UBE3A: variants seen among roughly 807,000 people sequenced by gnomAD.
The protein encoded by UBE3A is ubiquitin-protein ligase E3A.
UBE3A carries 6 observed loss-of-function variants against 83.4 expected under a neutral mutation model. The observed-to-expected ratio is 0.07, with a 90% CI of 0.04 to 0.14. The LOEUF (loss-of-function observed/expected upper bound fraction) is 0.14, where lower values mean the gene tolerates loss of function less well. Ranked by LOEUF, UBE3A falls within the 10% of genes least tolerant of loss-of-function variation. The pLI, the probability that UBE3A is intolerant of heterozygous loss-of-function variation, is 1.00. For missense variants in UBE3A, 456 were observed against 1,036.1 expected (o/e 0.44, Z 7.69); for synonymous variants, 337 against 355.4 (o/e 0.95, Z 0.58).
Position 25,356,908 on chromosome 15 carries a change from G to T in UBE3A, c.1754-12C>A. 6.2e-7 allele frequency: 1 copy of T among 1,601,962 alleles called. No homozygotes were observed. The highest frequency in any genetic ancestry group is 1.1e-5 in the South Asian group (1 of 90,348). On this transcript the variant is annotated splice_polypyrimidine_tract_variant and intron_variant, in intron 7 of 12. Coordinates refer to ENST00000648336, the MANE Select transcript of UBE3A (RefSeq NM_130839.5). ...GTATGTGAACATACCTATAAGAAAT[G>T]ATTTTTAAAAATACATTACTTTTGT... is the stretch of plus-strand genomic sequence containing the variant.
intron 4 of UBE3A, among the ~76,000 whole-genome samples, chr15:25,386,048 T>C (rs961913928): frequency 1.3e-5 from 2 of 152,048 alleles, no homozygotes; most frequent in Non-Finnish European, 1.5e-5. Flanking sequence ...CCTAACCTGC[T>C]GGGGTTGTAG....
rs139928148 is a variant in UBE3A, at chr15:25,371,359, T to C, written c.815A>G (p.Asn272Ser). 160 of 1,614,108 alleles carry C rather than the reference T, an allele frequency of 9.9e-5. No individual in the cohort carries two copies. Among genetic ancestry groups the C allele is most frequent in the African/African-American group, 1.7e-4 (13 of 75,056 alleles). ...PNVECDLTYHNVYSRDPNYLN... is the reference protein window; with the variant it reads ...PNVECDLTYHSVYSRDPNYLN... ...ATAATTAGGATCTCGAGAGTATACATTGTGATACGTCAAGTCACATTCCAC... is the reference window on the plus strand; with the variant it reads ...ATAATTAGGATCTCGAGAGTATACACTGTGATACGTCAAGTCACATTCCAC... Residue 272 changes from asparagine (N) to serine (S), a missense_variant, in exon 6 of 13, where the codon AAT becomes AGT. Around this residue, in one of 13 missense-constraint regions of UBE3A, gnomAD observed 40 missense variants for 124.8 expected, o/e 0.32. Coordinates refer to ENST00000648336, the MANE Select transcript of UBE3A (RefSeq NM_130839.5). The surrounding 1 kb of genome is among the most constrained non-coding windows in gnomAD (Gnocchi z 5.3).
chr15:25,359,288 A>G (rs145443289), intron 7 of UBE3A, among the ~76,000 whole-genome samples: 101 of 152,308 alleles, frequency 6.6e-4, no homozygotes, highest in African/African-American at 1.9e-3. Flanking sequence ...AACTTTATGA[A>G]GTTTATAATT....
chr15:25,388,790 T>TA (rs2083671595), intron 4 of UBE3A, among the ~76,000 whole-genome samples: 1 of 152,130 alleles, frequency 6.6e-6, no homozygotes, highest in African/African-American at 2.4e-5. Context: ...AAGGTTCATA[T>TA]AAAAAAGTTA....
In UBE3A at chr15:25,339,170, G is replaced by C; in HGVS notation, c.2586C>G (p.Ala862=). ...KEKLKERLLK[A]ITYAKGFGML ...TGCCAAATCCTTTGGCATACGTGATGGCCTTCAACAATCTCTCTTTAAGTT... is the reference window on the plus strand; with the variant it reads ...TGCCAAATCCTTTGGCATACGTGATCGCCTTCAACAATCTCTCTTTAAGTT... The change falls in exon 13 of 13, where the codon GCC becomes GCG. Residue 862 remains alanine, a synonymous_variant. Coordinates refer to ENST00000648336, the MANE Select transcript of UBE3A (RefSeq NM_130839.5). 6.2e-7 allele frequency: 1 copy of C among 1,608,542 alleles called. No individual in the cohort carries two copies. The highest frequency in any genetic ancestry group is 8.5e-7 in the Non-Finnish European group (1 of 1,177,894).
chr15:25,372,536 T>C (rs569249859), intron 5 of UBE3A, among the ~76,000 whole-genome samples: 2 of 152,344 alleles, frequency 1.3e-5, no homozygotes, highest in Admixed American at 1.3e-4. Context: ...GTGCAGAGAC[T>C]ATGTAGTCAT....
chr15:25,347,182 A>C (rs1458193092), intron 11 of UBE3A: 1 of 152,228 alleles, frequency 6.6e-6, no homozygotes, highest in African/African-American at 2.4e-5. Flanking sequence ...CATACAACAG[A>C]GCATCACTCC....
chr15:25,350,944 C>CT (rs2076407451), intron 11 of UBE3A, among the ~76,000 whole-genome samples: 1 of 152,124 alleles, frequency 6.6e-6, no homozygotes, highest in African/African-American at 2.4e-5. Context: ...AACATGGGAA[C>CT]TCTGTGCTGA....
chr15:25,363,259 CCAT>C (rs142458037), intron 6 of UBE3A, among the ~76,000 whole-genome samples: 18,069 of 152,098 alleles, frequency 0.12, 1,132 homozygotes, highest in Middle Eastern at 0.23. Flanking sequence ...TGTAAAATAA[CCAT>C]AATAATATAG....
At chr15:25,359,054 T>A (rs1476106607) in intron 7 of UBE3A, among the ~76,000 whole-genome samples, 1 of 152,218 alleles carries the variant, frequency 6.6e-6, no homozygotes, top group Non-Finnish European at 1.5e-5. Context: ...AGTTCCATTT[T>A]AGGCACATTT....
intron 6 of UBE3A, among the ~76,000 whole-genome samples, chr15:25,366,084 T>C (rs2079055128): frequency 2.0e-5 from 3 of 152,222 alleles, no homozygotes; most frequent in South Asian, 2.1e-4. Flanking sequence ...AATTATTATA[T>C]AATGCTGAGG....
chr15:25,364,405 A>C (rs1341676673), intron 6 of UBE3A, among the ~76,000 whole-genome samples: 1 of 152,194 alleles, frequency 6.6e-6, no homozygotes, highest in Non-Finnish European at 1.5e-5. Context: ...AAAAAGATTT[A>C]ACAAATAAAC....
chr15:25,344,967 T>C (rs2075435145), intron 11 of UBE3A, among the ~76,000 whole-genome samples: 1 of 152,090 alleles, frequency 6.6e-6, no homozygotes, highest in African/African-American at 2.4e-5. Context: ...TATTATTATT[T>C]TTTGTTTTAT....
intron 6 of UBE3A, among the ~76,000 whole-genome samples, chr15:25,363,275 A>G (rs2078434902): frequency 6.6e-6 from 1 of 152,214 alleles, no homozygotes; most frequent in Admixed American, 6.5e-5. Flanking sequence ...TAATATAGTA[A>G]TAAATTAATG....
chr15:25,360,952 C>G (rs1238188340), intron 6 of UBE3A, among the ~76,000 whole-genome samples: 9 of 152,078 alleles, frequency 5.9e-5, no homozygotes, highest in African/African-American at 1.4e-4. Flanking sequence ...TTAGTATCTA[C>G]TAAGTCATAA....
intron 1 of UBE3A, among the ~76,000 whole-genome samples, chr15:25,414,404 C>T (rs2090505925): frequency 6.6e-6 from 1 of 152,018 alleles, no homozygotes; most frequent in South Asian, 2.1e-4. Context: ...AATTTCTTGC[C>T]CTCATGTGGT....
chr15:25,422,474 T>C (rs1890113848), intron 1 of UBE3A, among the ~76,000 whole-genome samples: 1 of 152,084 alleles, frequency 6.6e-6, no homozygotes, highest in Non-Finnish European at 1.5e-5. Context: ...TAGAAAAAGG[T>C]GGCATTATCA....
intron 4 of UBE3A, among the ~76,000 whole-genome samples, chr15:25,377,118 T>C (rs2081351988): frequency 6.6e-6 from 1 of 152,176 alleles, no homozygotes; most frequent in Non-Finnish European, 1.5e-5. Context: ...TTATCTAACA[T>C]GTAGGACTAG....
At chr15:25,413,700 A>C (rs988607413) in intron 1 of UBE3A, among the ~76,000 whole-genome samples, 3 of 152,190 alleles carry the variant, frequency 2.0e-5, no homozygotes, top group African/African-American at 7.2e-5. Context: ...AAAGACGTGA[A>C]AACCACTAGC....
Sources: gnomAD v4.1 joint callset for allele counts (sites outside exome capture counted in the v4.1 genomes callset) on GRCh38, gnomAD v4.1.1 for gene constraint, gnomAD v4.1.1 regional missense constraint, Gnocchi (gnomAD v3.1) non-coding constraint, MANE v1.5 for transcripts, NCBI Gene and HGNC (gene_info 2026-07-23, HGNC 2026-07-21) for gene names.